The following PLCL1 variants were observed in gnomAD, a reference collection of about 807,000 sequenced individuals.
PLCL1 encodes the protein inactive phospholipase C-like protein 1.
PLCL1 carries 41 observed loss-of-function variants against 84.4 expected under a neutral mutation model. The ratio of observed to expected loss-of-function variants is 0.49; its 90% CI spans 0.38 to 0.63. The LOEUF (loss-of-function observed/expected upper bound fraction) is 0.63. Among genes scored for constraint, PLCL1 ranks in the 30% least tolerant of loss-of-function variants. The pLI is 0.00. For missense variants in PLCL1, 1,206 were observed against 1,367.8 expected (o/e 0.88, Z 1.87); for synonymous variants, 490 against 488.3 (o/e 1.00, Z -0.05).
In PLCL1 at chr2:197,969,321, G is replaced by C. The variant is rs112575506; in HGVS notation, c.241-114437G>C. Among the ~76,000 whole-genome samples, 912 of 152,302 alleles carry C rather than the reference G, an allele frequency of 6.0e-3. 5 individuals are homozygous for C. Among genetic ancestry groups the C allele is most frequent in the African/African-American group, 0.021 (873 of 41,564 alleles). On this transcript the variant is annotated intron_variant, in intron 1 of 5. Coordinates refer to ENST00000428675, the MANE Select transcript of PLCL1 (RefSeq NM_006226.4). ...GTAGTGTACATTTTTTATAGGGTGT[G>C]CATAGTGGCAATATGTCCTCTATAA...
chr2:198,144,324 A>G lies in PLCL1; in HGVS notation c.3106-2456A>G, dbSNP rs142291816. On this transcript the variant is annotated intron_variant, in intron 5 of 5. Transcript: ENST00000428675. ...AGTAATACTCTGAAAATGAAGGAGG[A>G]TATAGTCTCATTACTAATAGATTTT... Among the ~76,000 whole-genome samples the G allele has an allele frequency of 1.1e-3, 168 of 152,324 alleles. 1 individual carries two copies. The highest frequency in any genetic ancestry group is 3.8e-3 in the African/African-American group (157 of 41,578).
intron 1 of PLCL1, among the ~76,000 whole-genome samples, chr2:198,068,592 C>T (rs1268703121): frequency 3.9e-5 from 6 of 152,248 alleles, no homozygotes; most frequent in South Asian, 2.1e-4. Context: ...CTTAGTAAAA[C>T]GAATGAACTT....
intron 3 of PLCL1, among the ~76,000 whole-genome samples, chr2:198,090,881 C>T (rs1403223583): frequency 3.9e-5 from 6 of 152,182 alleles, no homozygotes; most frequent in African/African-American, 7.2e-5. Context: ...TGGGGCTGGG[C>T]AATTGCCATT....
In PLCL1 at chr2:198,149,571, T is replaced by A. The variant is rs1486331403; in HGVS notation, c.*2609T>A. The A allele has an allele frequency of 6.6e-6, 1 of 152,272 alleles. No homozygotes were observed. The highest frequency in any genetic ancestry group is 1.9e-4 in the East Asian group (1 of 5,290). 9.4% of individuals were successfully genotyped at this position (152,272 alleles called of 1,614,324 possible). A position where few individuals can be genotyped will look rare whatever the true frequency, so the allele number is the denominator to read the frequency against. On this transcript the variant is annotated 3_prime_UTR_variant, in exon 6 of 6. Transcript: ENST00000428675. ...ACCAGACTATTAACTCTTACCTTTA[T>A]AACCACAGATACAAAGAACTGTATC...
intron 5 of PLCL1, among the ~76,000 whole-genome samples, chr2:198,130,419 G>C (rs552399235): frequency 6.6e-6 from 1 of 152,218 alleles, no homozygotes; most frequent in South Asian, 2.1e-4. Context: ...CATGCAAAGG[G>C]TTTTGATTAT....
intron 1 of PLCL1, among the ~76,000 whole-genome samples, chr2:198,067,942 C>T (rs576217232): frequency 2.1e-4 from 32 of 152,302 alleles, no homozygotes; most frequent in Admixed American, 1.2e-3. Flanking sequence ...GACTAGCTGT[C>T]ACTTTCTCTC....
At chr2:197,865,918 C>T (rs542538925) in intron 1 of PLCL1, among the ~76,000 whole-genome samples, 36 of 141,962 alleles carry the variant, frequency 2.5e-4, no homozygotes, top group East Asian at 2.0e-3. Flanking sequence ...GAGGCTGAGG[C>T]GGGAGCATAG....
At chr2:197,935,265 T>C (rs1203316937) in intron 1 of PLCL1, among the ~76,000 whole-genome samples, 1 of 152,138 alleles carries the variant, frequency 6.6e-6, no homozygotes, top group Admixed American at 6.5e-5. Context: ...TACCATTCTG[T>C]ATACACCCAA....
At chr2:198,034,510 TG>T (rs1691507426) in intron 1 of PLCL1, among the ~76,000 whole-genome samples, 1 of 152,174 alleles carries the variant, frequency 6.6e-6, no homozygotes, top group South Asian at 2.1e-4. Flanking sequence ...ATGAAGGAAA[TG>T]TGGCACATAT....
chr2:197,938,134 C>T (rs1689085359), intron 1 of PLCL1, among the ~76,000 whole-genome samples: 1 of 152,160 alleles, frequency 6.6e-6, no homozygotes, highest in Non-Finnish European at 1.5e-5. Context: ...CTTTTCCAGT[C>T]TTCATGAGTC....
intron 1 of PLCL1, among the ~76,000 whole-genome samples, chr2:198,022,413 AG>A (rs1691157431): frequency 6.6e-6 from 1 of 152,168 alleles, no homozygotes; most frequent in Non-Finnish European, 1.5e-5. Context: ...CAATTAAGCA[AG>A]AGAAAGAAAT....
At chr2:198,017,290 G>A (rs1325083003) in intron 1 of PLCL1, among the ~76,000 whole-genome samples, 2 of 152,144 alleles carry the variant, frequency 1.3e-5, no homozygotes, top group African/African-American at 2.4e-5. Flanking sequence ...CTACACAGTC[G>A]AGAATTATCT....
chr2:197,965,411 C>G (rs1288092253), intron 1 of PLCL1, among the ~76,000 whole-genome samples: 1 of 152,032 alleles, frequency 6.6e-6, no homozygotes, highest in Non-Finnish European at 1.5e-5. Context: ...GTCATATCTC[C>G]TTTAACATCT....
intron 5 of PLCL1, among the ~76,000 whole-genome samples, chr2:198,121,380 A>G (rs924237861): frequency 6.6e-6 from 1 of 152,070 alleles, no homozygotes; most frequent in African/African-American, 2.4e-5. Context: ...TACTTAAGAC[A>G]CATTTCCCCA....
chr2:197,843,928 C>CCA (rs1687067992), intron 1 of PLCL1, among the ~76,000 whole-genome samples: 1 of 151,978 alleles, frequency 6.6e-6, no homozygotes, highest in Admixed American at 6.6e-5. Context: ...CAGTGCGGCA[C>CCA]CATATTTAAT....
At chr2:198,101,152 C>A (rs555411933) in intron 3 of PLCL1, 133 bp from the exon 4 acceptor site, 2 of 659,228 alleles carry the variant, frequency 3.0e-6, no homozygotes, top group African/African-American at 3.7e-5. Context: ...ATCCTTCTCC[C>A]TCCCATCTGT....
intron 1 of PLCL1, among the ~76,000 whole-genome samples, chr2:197,887,344 A>G (rs1687941352): frequency 6.6e-6 from 1 of 152,170 alleles, no homozygotes; most frequent in Non-Finnish European, 1.5e-5. Flanking sequence ...TTTTGCTGTA[A>G]TAGCTGATGC....
intron 1 of PLCL1, among the ~76,000 whole-genome samples, chr2:197,878,905 G>T (rs535032064): frequency 9.2e-5 from 14 of 152,298 alleles, no homozygotes; most frequent in African/African-American, 3.4e-4. Context: ...GTTTTATTTG[G>T]CCCATGCAGT....
chr2:197,953,736 T>G (rs1320096493), intron 1 of PLCL1, among the ~76,000 whole-genome samples: 1 of 152,064 alleles, frequency 6.6e-6, no homozygotes, highest in African/African-American at 2.4e-5. Context: ...GAAAAATATA[T>G]TGATATTCTC....
Sources: allele counts gnomAD v4.1 joint callset (sites outside exome capture counted in the v4.1 genomes callset), GRCh38; gene constraint gnomAD v4.1.1; transcripts MANE v1.5; gene names NCBI Gene and HGNC (gene_info 2026-07-23, HGNC 2026-07-21).